TMEM171: variants seen among roughly 807,000 people sequenced by gnomAD.
TMEM171 encodes proline-rich protein PRP2.
In TMEM171, 16 loss-of-function variants were observed where a neutral mutation model predicts 19.1. That is an observed-to-expected ratio of 0.84 (90% CI 0.57 to 1.27). The LOEUF (loss-of-function observed/expected upper bound fraction) is 1.27, where lower values mean the gene tolerates loss of function less well. TMEM171 is among the 50% of genes most tolerant of loss of function. TMEM171 has a pLI of 0.00. For synonymous variants in TMEM171, 153 were observed against 163.4 expected (o/e 0.94, Z 0.48); for missense variants, 429 against 412.7 (o/e 1.04, Z -0.34).
intron 3 of TMEM171, among the ~76,000 whole-genome samples, chr5:73,131,078 T>C (rs908638504): frequency 2.0e-5 from 3 of 152,234 alleles, no homozygotes; most frequent in Non-Finnish European, 2.9e-5. Context: ...CCAGTGCAGG[T>C]TGGCCTTTGT....
chr5:73,131,539 A>G lies in TMEM171; in HGVS notation c.784A>G (p.Arg262Gly), dbSNP rs1233387397. Residue 262 changes from arginine to glycine, a missense_variant and splice_region_variant, in exon 4 of 4, where the codon AGG (arginine) becomes GGG (glycine). By Grantham distance (125) the Arg-to-Gly change is moderately radical (BLOSUM62 -2). Coordinates refer to ENST00000454765, the MANE Select transcript of TMEM171 (RefSeq NM_173490.8). Reference protein sequence around the residue: ...PSYYSIFNYGRTPTSEGAASE... With the variant: ...PSYYSIFNYGGTPTSEGAASE... Reference sequence around the variant, plus strand: ...CATGTTCTCTCTCCTTCTCTTTAGCAGGACCCCAACTTCAGAGGGTGCAGC... The same window carrying G: ...CATGTTCTCTCTCCTTCTCTTTAGCGGGACCCCAACTTCAGAGGGTGCAGC... 2 of 1,591,680 alleles carry G rather than the reference A, an allele frequency of 1.3e-6. No individual in the cohort carries two copies. Among genetic ancestry groups the G allele is most frequent in the Non-Finnish European group, 1.7e-6 (2 of 1,170,306 alleles).
intron 1 of TMEM171, among the ~76,000 whole-genome samples, chr5:73,122,789 A>T (rs1470670888): frequency 6.6e-6 from 1 of 152,222 alleles, no homozygotes; most frequent in Non-Finnish European, 1.5e-5. Context: ...AAATTGCTGA[A>T]ATTGGGTCTT....
Position 73,121,139 on chromosome 5 carries a change from T to C in TMEM171, c.-69+443T>C, listed in dbSNP as rs181749627. On this transcript the variant is annotated intron_variant, in intron 1 of 3. Coordinates refer to ENST00000454765, the MANE Select transcript of TMEM171 (RefSeq NM_173490.8). The stretch of plus-strand genomic sequence containing the variant: ...GAGAGAGAGTATTTCCACACTATTA[T>C]GGATCAGAGGTGAACACTCAGCCAG... Among the ~76,000 whole-genome samples, 65 of 152,256 alleles carry C rather than the reference T, an allele frequency of 4.3e-4. No homozygotes were observed. In the East Asian group the frequency reaches 9.7e-3, roughly 23 times the overall value.
chr5:73,129,537 G>A (rs1327207987), intron 3 of TMEM171, among the ~76,000 whole-genome samples: 1 of 152,188 alleles, frequency 6.6e-6, no homozygotes, highest in Admixed American at 6.5e-5. Flanking sequence ...GCGTGAAACG[G>A]CCGTAGATTC....
intron 3 of TMEM171, among the ~76,000 whole-genome samples, chr5:73,130,043 G>A (rs1744290810): frequency 2.0e-5 from 3 of 152,226 alleles, no homozygotes; most frequent in Admixed American, 6.5e-5. Context: ...GAGTGACAGG[G>A]AAGCTCAGAG....
chr5:73,131,514 C>G (rs1744355247), intron 3 of TMEM171, 24 bp from the exon 4 acceptor site: 1 of 1,550,672 alleles, frequency 6.4e-7, no homozygotes, highest in Non-Finnish European at 8.7e-7. Flanking sequence ...CCCTCCCCTT[C>G]ATGTTCTCTC....
At chr5:73,128,575 C>G in intron 3 of TMEM171, 44 bp downstream of exon 3, 1 of 1,609,372 alleles carries the variant, frequency 6.2e-7, no homozygotes, top group East Asian at 2.2e-5. Context: ...TGAATTCAGG[C>G]CACACTAGTA....
At chr5:73,128,677 C>T in intron 3 of TMEM171, 146 bp downstream of exon 3, 1 of 963,328 alleles carries the variant, frequency 1.0e-6, no homozygotes, top group Non-Finnish European at 1.4e-6. Flanking sequence ...ATTAACAGTA[C>T]CTTTGCCGAA....
At position 73,123,761 on chromosome 5, in the gene TMEM171, G is replaced by A. The variant is rs755275159; in HGVS notation, c.388G>A (p.Gly130Ser). ...AAGCGGCATGCTCATCAGCGTCCTGGGCATTTGGGTCCCTGGATGTGGCTC... is the reference window on the plus strand; with the variant it reads ...AAGCGGCATGCTCATCAGCGTCCTGAGCATTTGGGTCCCTGGATGTGGCTC... The part of the protein sequence containing the change: ...LTSGMLISVL[G>S]IWVPGCGSNW... Residue 130 changes from glycine (G) to serine (S), a missense_variant, in exon 2 of 4, where the codon GGC becomes AGC. Transcript: ENST00000454765. 1 of 1,613,854 alleles carries A rather than the reference G, an allele frequency of 6.2e-7. No homozygotes were observed. The highest frequency in any genetic ancestry group is 8.5e-7 in the Non-Finnish European group (1 of 1,179,768).
intron 3 of TMEM171, among the ~76,000 whole-genome samples, chr5:73,128,929 C>T (rs954887306): frequency 3.9e-5 from 6 of 152,000 alleles, no homozygotes; most frequent in African/African-American, 7.3e-5. Context: ...CCTGTCTCTA[C>T]GAAAAATAGA....
rs779874710 is a variant in TMEM171 at position 73,123,425 on chromosome 5, G to A, written c.52G>A (p.Val18Ile). Reference protein sequence around the residue: ...EPDGDQQDRHVSKLIFCFFVF... With the variant: ...EPDGDQQDRHISKLIFCFFVF... ...AGATGGGGACCAGCAGGACAGACAC[G>A]TCAGCAAACTCATCTTCTGCTTCTT... Residue 18 changes from valine to isoleucine, a missense_variant, in exon 2 of 4, where the codon GTC becomes ATC. By Grantham distance (29) the Val-to-Ile change is conservative. Transcript: ENST00000454765. 5.0e-5 allele frequency: 81 copies of A among 1,614,202 alleles called. No homozygotes were observed. Among genetic ancestry groups the A allele is most frequent in the Middle Eastern group, 3.3e-4 (2 of 6,058 alleles).
Position 73,131,695 on chromosome 5 carries a change from T to G in TMEM171, c.940T>G (p.Phe314Val). Residue 314 changes from phenylalanine to valine, a missense_variant, in exon 4 of 4, where the codon TTC (phenylalanine) becomes GTC (valine). Phe to Val is a conservative substitution (Grantham distance 50). Coordinates refer to ENST00000454765, the MANE Select transcript of TMEM171 (RefSeq NM_173490.8). Reference protein sequence around the residue: ...YEEKENAAATFLPLSSEPSPP With the variant: ...YEEKENAAATVLPLSSEPSPP ...AGAAAAAGAAAATGCTGCAGCTACA[T>G]TCTTGCCTCTATCTTCTGAGCCTTC... is the stretch of plus-strand genomic sequence containing the variant. 2 of 1,613,870 alleles carry G rather than the reference T, an allele frequency of 1.2e-6. No individual in the cohort carries two copies. Among genetic ancestry groups the G allele is most frequent in the African/African-American group, 1.3e-5 (1 of 75,052 alleles).
At chr5:73,131,501 A>C in intron 3 of TMEM171, 37 bp from the exon 4 acceptor site, 1 of 1,518,822 alleles carries the variant, frequency 6.6e-7, no homozygotes, top group Non-Finnish European at 8.8e-7. Flanking sequence ...CACTGTTTTC[A>C]TCCCCTCCCC....
chr5:73,128,299 A>C, intron 2 of TMEM171, 91 bp from the exon 3 acceptor site: 1 of 1,501,730 alleles, frequency 6.7e-7, no homozygotes, highest in African/African-American at 1.4e-5. Context: ...CCTTTTATAT[A>C]GATGGGCCAA....
chr5:73,128,288 A>G (rs1246177518), intron 2 of TMEM171, 102 bp from the exon 3 acceptor site: 1 of 1,407,460 alleles, frequency 7.1e-7, no homozygotes, highest in Non-Finnish European at 9.8e-7. Context: ...AGGTGTGTTG[A>G]CCTTTTATAT....
Position 73,123,606 on chromosome 5 carries a change from GC to G in TMEM171, c.234del (p.Ser79ProfsTer42), listed in dbSNP as rs755509863. 5 of 1,614,212 alleles carry G rather than the reference GC, an allele frequency of 3.1e-6. No individual in the cohort carries two copies. Among genetic ancestry groups the G allele is most frequent in the Non-Finnish European group, 4.2e-6 (5 of 1,180,034 alleles). ...GGGCTTGGGGCTGTGATCCTGGCCC[GC>G]TCCCGGGCGCAACTTCAGCTCCGTG... The part of the protein sequence containing the change: ...VVGLGAVILA[R>X]SRAQLQLRAG... On this transcript the variant is annotated frameshift_variant, in exon 2 of 4. Coordinates refer to ENST00000454765, the MANE Select transcript of TMEM171 (RefSeq NM_173490.8). LOFTEE classifies it high-confidence loss of function.
chr5:73,131,667 T>G lies in TMEM171; in HGVS notation c.912T>G (p.Tyr304Ter). The G allele has an allele frequency of 1.2e-6, 2 of 1,613,912 alleles. No homozygotes were observed. Among genetic ancestry groups the G allele is most frequent in the Admixed American group, 1.7e-5 (1 of 59,992 alleles). The part of the protein sequence containing the change: ...PHLPSELPPR[Y>*]EEKENAAATF... ...TTCCATCTGAATTGCCTCCTAGATA[T>G]GAAGAAAAAGAAAATGCTGCAGCTA... The change falls in exon 4 of 4, where the codon TAT (tyrosine) becomes TAG (stop). Residue 304 changes from tyrosine to a stop codon, truncating the protein, a stop_gained. Coordinates refer to ENST00000454765, the MANE Select transcript of TMEM171 (RefSeq NM_173490.8). LOFTEE classifies it low-confidence loss of function (END_TRUNC).
In TMEM171 at chr5:73,123,641, CAG is replaced by C; in HGVS notation, c.273_274del (p.Gly92SerfsTer92). 6.2e-7 allele frequency: 1 copy of C among 1,614,206 alleles called. No individual in the cohort carries two copies. The highest frequency in any genetic ancestry group is 8.5e-7 in the Non-Finnish European group (1 of 1,180,036). On this transcript the variant is annotated frameshift_variant, in exon 2 of 4. Coordinates refer to ENST00000454765, the MANE Select transcript of TMEM171 (RefSeq NM_173490.8). LOFTEE classifies it high-confidence loss of function. The part of the protein sequence containing the change: ...RAQLQLRAGL[Q>X]RGQQMDPDRA... ...GCAACTTCAGCTCCGTGCAGGGCTG[CAG>C]AGAGGTCAGCAGATGGACCCCGACC...
At chr5:73,130,551 G>A (rs1284016129) in intron 3 of TMEM171, among the ~76,000 whole-genome samples, 1 of 152,178 alleles carries the variant, frequency 6.6e-6, no homozygotes, top group Non-Finnish European at 1.5e-5. Flanking sequence ...AGAGCAGGCA[G>A]TGGGCCTTGG....
Sources: gnomAD v4.1 joint callset for allele counts (sites outside exome capture counted in the v4.1 genomes callset) on GRCh38, gnomAD v4.1.1 for gene constraint, MANE v1.5 for transcripts, NCBI Gene and HGNC (gene_info 2026-07-23, HGNC 2026-07-21) for gene names.